The following CDH10 variants were observed in gnomAD, a reference collection of about 807,000 sequenced individuals.
CDH10 encodes the protein cadherin-10.
Under a neutral mutation model 73.1 loss-of-function variants are expected in CDH10, and 30 were observed. The observed-to-expected ratio is 0.41, with a 90% confidence interval of 0.31 to 0.56. The LOEUF is 0.56. CDH10 is among the 20% of genes least tolerant of loss of function. CDH10 has a pLI of 0.27. For missense variants in CDH10, 815 were observed against 973.7 expected (o/e 0.84, Z 2.17); for synonymous variants, 345 against 348.2 (o/e 0.99, Z 0.10).
intron 2 of CDH10, among the ~76,000 whole-genome samples, chr5:24,557,023 T>C (rs978966735): frequency 4.6e-5 from 7 of 151,844 alleles, no homozygotes; most frequent in Non-Finnish European, 7.4e-5. Flanking sequence ...GGTATTCTTT[T>C]CAACTTGCCT....
At chr5:24,489,039 C>A (rs1741952299) in intron 11 of CDH10, among the ~76,000 whole-genome samples, 2 of 152,024 alleles carry the variant, frequency 1.3e-5, no homozygotes, top group African/African-American at 4.8e-5. Flanking sequence ...TAGAGTTTCT[C>A]ACCCTTACTC....
chr5:24,552,701 A>T (rs1338219920), intron 2 of CDH10, among the ~76,000 whole-genome samples: 1 of 152,010 alleles, frequency 6.6e-6, no homozygotes, highest in Non-Finnish European at 1.5e-5. Flanking sequence ...TAAATTCAAT[A>T]TTTTTGTCAC....
intron 8 of CDH10, chr5:24,499,238 T>G (rs188091315): frequency 9.8e-5 from 15 of 152,760 alleles, no homozygotes; most frequent in Admixed American, 8.5e-4. Flanking sequence ...TTTATTAATA[T>G]AGTTATTGCT....
intron 5 of CDH10, among the ~76,000 whole-genome samples, chr5:24,517,750 T>G (rs1299985817): frequency 2.0e-5 from 3 of 152,088 alleles, no homozygotes; most frequent in Non-Finnish European, 4.4e-5. Context: ...AAGCTAAAAG[T>G]TTTTTTGGCC....
chr5:24,636,202 A>C (rs1375068702), intron 1 of CDH10, among the ~76,000 whole-genome samples: 1 of 151,940 alleles, frequency 6.6e-6, no homozygotes, highest in East Asian at 1.9e-4. Flanking sequence ...CAATTGTCCT[A>C]TGATGTAAGT....
At chr5:24,554,569 A>C (rs1744698197) in intron 2 of CDH10, among the ~76,000 whole-genome samples, 1 of 151,602 alleles carries the variant, frequency 6.6e-6, no homozygotes, top group Admixed American at 6.6e-5. Flanking sequence ...CTTGACTGAT[A>C]ATTCAACTAG....
At chr5:24,573,003 A>G (rs1745450620) in intron 2 of CDH10, among the ~76,000 whole-genome samples, 1 of 151,414 alleles carries the variant, frequency 6.6e-6, no homozygotes, top group Non-Finnish European at 1.5e-5. Context: ...AAAAAATAAA[A>G]AATAAAGATC....
At position 24,564,410 on chromosome 5, in the gene CDH10, G is replaced by A. The variant is rs1175417317; in HGVS notation, c.232-26736C>T. Among the ~76,000 whole-genome samples the A allele has an allele frequency of 2.0e-5, 3 of 152,118 alleles. No homozygotes were observed. In the East Asian group the frequency reaches 5.8e-4, roughly 29 times the overall value. On this transcript the variant is annotated intron_variant, in intron 2 of 11. Coordinates refer to ENST00000264463, the MANE Select transcript of CDH10 (RefSeq NM_006727.5). ...CTACATGGTGTGTTTTCAGTTCAGT[G>A]AAGGCTGAATAATTAATCTTTACAA...
intron 2 of CDH10, among the ~76,000 whole-genome samples, chr5:24,549,381 T>C (rs1744462462): frequency 6.6e-6 from 1 of 151,842 alleles, no homozygotes; most frequent in South Asian, 2.1e-4. Context: ...AAAGGATAAA[T>C]GAGAAGAAAA....
intron 2 of CDH10, among the ~76,000 whole-genome samples, chr5:24,574,323 T>A (rs1745516712): frequency 6.6e-6 from 1 of 152,156 alleles, no homozygotes; most frequent in Admixed American, 6.5e-5. Flanking sequence ...ACTGCGTATC[T>A]ATTATTCAAT....
chr5:24,580,584 T>C (rs1385477968), intron 2 of CDH10, among the ~76,000 whole-genome samples: 2 of 152,186 alleles, frequency 1.3e-5, no homozygotes, highest in Non-Finnish European at 2.9e-5. Flanking sequence ...GTTAGTATAA[T>C]ATCAACCTTC....
At chr5:24,529,649 A>G (rs1262990684) in intron 5 of CDH10, among the ~76,000 whole-genome samples, 2 of 151,934 alleles carry the variant, frequency 1.3e-5, no homozygotes, top group Admixed American at 6.6e-5. Context: ...AATCTCACTT[A>G]ATTTGACATT....
intron 1 of CDH10, among the ~76,000 whole-genome samples, chr5:24,632,348 CAA>C (rs1320711184): frequency 3.3e-5 from 5 of 151,988 alleles, no homozygotes; most frequent in African/African-American, 1.2e-4. Flanking sequence ...ATTTCAATTT[CAA>C]TTTCTGTTTC....
intron 2 of CDH10, chr5:24,578,594 T>C (rs1298889377): frequency 5.4e-6 from 1 of 186,448 alleles, no homozygotes; most frequent in African/African-American, 2.3e-5. Flanking sequence ...AAAATCAGTA[T>C]TTAATAAGTG....
chr5:24,599,037 C>A (rs1434719413), intron 1 of CDH10, among the ~76,000 whole-genome samples: 1 of 152,058 alleles, frequency 6.6e-6, no homozygotes, highest in Non-Finnish European at 1.5e-5. Context: ...GAATAGCATC[C>A]AAGAGTTCTT....
intron 1 of CDH10, among the ~76,000 whole-genome samples, chr5:24,623,251 T>C (rs1257231052): frequency 2.6e-5 from 4 of 152,138 alleles, no homozygotes; most frequent in Admixed American, 6.6e-5. Context: ...GGTACTAGTT[T>C]TATGTAACAG....
At chr5:24,642,208 T>C (rs1362677641) in intron 1 of CDH10, among the ~76,000 whole-genome samples, 1 of 152,134 alleles carries the variant, frequency 6.6e-6, no homozygotes, top group Non-Finnish European at 1.5e-5. Context: ...ATACTGCTGC[T>C]GTGCTGCAGC....
At chr5:24,581,808 A>G (rs528474766) in intron 2 of CDH10, among the ~76,000 whole-genome samples, 1 of 152,302 alleles carries the variant, frequency 6.6e-6, no homozygotes, top group African/African-American at 2.4e-5. Context: ...ACCCTTAAAA[A>G]TTGTGTTTAT....
intron 5 of CDH10, among the ~76,000 whole-genome samples, chr5:24,523,472 A>G (rs908261946): frequency 6.6e-6 from 1 of 152,170 alleles, no homozygotes; most frequent in East Asian, 1.9e-4. Flanking sequence ...TACCATATCA[A>G]TGTTCTCTCC....
Sources: gnomAD v4.1 joint callset for allele counts (sites outside exome capture counted in the v4.1 genomes callset) on GRCh38, gnomAD v4.1.1 for gene constraint, MANE v1.5 for transcripts, NCBI Gene and HGNC (gene_info 2026-07-23, HGNC 2026-07-21) for gene names.